ITPR2: variants seen among roughly 807,000 people sequenced by gnomAD.
ITPR2 encodes inositol 1,4,5-trisphosphate-gated calcium channel ITPR2.
A neutral mutation model predicts 317.1 loss-of-function variants in ITPR2; 207 were observed. That is an observed-to-expected ratio of 0.65 (90% CI 0.58 to 0.73). ITPR2 has a LOEUF of 0.73. ITPR2 is among the 30% of genes least tolerant of loss of function. ITPR2 has a pLI of 0.00. For missense variants in ITPR2, 2,613 were observed against 3,284.0 expected, an observed-to-expected ratio of 0.80 and a Z score of 4.99; for synonymous variants, 1,156 against 1,149.1, an observed-to-expected ratio of 1.01 and a Z score of -0.12.
chr12:26,784,314 CCT>C (rs1950158151), intron 2 of ITPR2, among the ~76,000 whole-genome samples: 1 of 25,940 alleles, frequency 3.9e-5, no homozygotes, highest in African/African-American at 1.1e-4. Flanking sequence ...TCTCCCTCTC[CCT>C]CTGCCTCTCC....
Position 26,599,621 on chromosome 12 carries a change from G to A in ITPR2, c.3802-276C>T, listed in dbSNP as rs116779259. On this transcript the variant is annotated intron_variant, in intron 29 of 56. Coordinates refer to ENST00000381340, the MANE Select transcript of ITPR2 (RefSeq NM_002223.4). ...GAGACTAATTATGAATTCAAAATTA[G>A]GTCTTCCATAAAATCTGCTCAAACA... is the stretch of plus-strand genomic sequence containing the variant. Among the ~76,000 whole-genome samples, 236 of 152,168 alleles carry A rather than the reference G, an allele frequency of 1.6e-3. 2 individuals are homozygous for A. Among genetic ancestry groups the A allele is most frequent in the African/African-American group, 5.4e-3 (225 of 41,502 alleles).
intron 2 of ITPR2, among the ~76,000 whole-genome samples, chr12:26,784,551 C>T (rs1950174662): frequency 6.6e-6 from 1 of 151,664 alleles, no homozygotes; most frequent in African/African-American, 2.4e-5. Context: ...GCTGTGTTGG[C>T]CGGGCTGGTC....
intron 34 of ITPR2, among the ~76,000 whole-genome samples, chr12:26,574,559 T>C (rs191940749): frequency 3.3e-5 from 5 of 152,332 alleles, no homozygotes; most frequent in African/African-American, 4.8e-5. Flanking sequence ...GAGACAAGAA[T>C]AGTACTTGTG....
chr12:26,702,408 T>TG (rs1403919585), intron 9 of ITPR2, among the ~76,000 whole-genome samples: 4 of 30,196 alleles, frequency 1.3e-4, no homozygotes, highest in Non-Finnish European at 2.0e-4. Context: ...GGGGCGGGGG[T>TG]GGGGGGTTGG....
intron 20 of ITPR2, 93 bp from the exon 21 acceptor site, chr12:26,654,219 A>C: frequency 1.0e-6 from 1 of 981,208 alleles, no homozygotes; most frequent in Non-Finnish European, 1.5e-6. Context: ...TTATTATCTA[A>C]ATTAGCACAG....
chr12:26,620,933 G>C (rs1377127169), intron 26 of ITPR2, among the ~76,000 whole-genome samples, 190 bp downstream of exon 26: 1 of 152,194 alleles, frequency 6.6e-6, no homozygotes, highest in Non-Finnish European at 1.5e-5. Flanking sequence ...AGAAGTGGTA[G>C]AAATTGATAA....
At chr12:26,695,700 T>C in intron 9 of ITPR2, 50 bp from the exon 10 acceptor site, 1 of 1,181,554 alleles carries the variant, frequency 8.5e-7, no homozygotes, top group Middle Eastern at 1.9e-4. Flanking sequence ...AAAAGCACAC[T>C]AACAAGACCA....
intron 49 of ITPR2, among the ~76,000 whole-genome samples, chr12:26,422,182 T>G (rs1940918658): frequency 6.7e-6 from 1 of 150,118 alleles, no homozygotes; most frequent in Admixed American, 6.7e-5. Flanking sequence ...TAGTTAATAA[T>G]TTAGTAAATA....
At chr12:26,747,943 C>T (rs1949351748) in intron 2 of ITPR2, among the ~76,000 whole-genome samples, 1 of 152,202 alleles carries the variant, frequency 6.6e-6, no homozygotes, top group South Asian at 2.1e-4. Context: ...CTTCTGTGTG[C>T]TACTCCAGTG....
intron 2 of ITPR2, among the ~76,000 whole-genome samples, chr12:26,726,740 C>T (rs994230594): frequency 1.3e-5 from 2 of 152,150 alleles, no homozygotes; most frequent in African/African-American, 4.8e-5. Flanking sequence ...ATATAATATG[C>T]TTGTTCCACT....
intron 37 of ITPR2, among the ~76,000 whole-genome samples, chr12:26,531,238 G>A (rs888368363): frequency 2.6e-5 from 4 of 152,128 alleles, no homozygotes; most frequent in African/African-American, 4.8e-5. Context: ...GTACAAACAC[G>A]CATAACACAC....
intron 54 of ITPR2, among the ~76,000 whole-genome samples, chr12:26,396,576 TG>T (rs1470304381): frequency 6.6e-6 from 1 of 152,180 alleles, no homozygotes; most frequent in Non-Finnish European, 1.5e-5. Context: ...TCTTCAAAGC[TG>T]GGGCTTTCCA....
chr12:26,758,650 C>T (rs1357450784), intron 2 of ITPR2, among the ~76,000 whole-genome samples: 33 of 152,196 alleles, frequency 2.2e-4, no homozygotes. Context: ...TAGGACAGGG[C>T]ATCTGACCCA....
chr12:26,481,259 T>G lies in ITPR2; in HGVS notation c.6013-18A>C, dbSNP rs763468005. On this transcript the variant is annotated intron_variant, in intron 42 of 56. Coordinates refer to ENST00000381340, the MANE Select transcript of ITPR2 (RefSeq NM_002223.4). ...ATACAGGTCTAGAAAACAAAATATT[T>G]GTAAAATATCATTTTATTCACAACA... 1 of 1,370,322 alleles carries G rather than the reference T, an allele frequency of 7.3e-7. No individual in the cohort carries two copies. The highest frequency in any genetic ancestry group is 1.2e-5 in the South Asian group (1 of 85,260). The allele number at this position is 1,370,322 out of a possible 1,614,324, so 84.9% of individuals were successfully genotyped here. A position where few individuals can be genotyped will look rare whatever the true frequency, so the allele number is the denominator to read the frequency against.
At chr12:26,668,840 G>T (rs1947685973) in intron 13 of ITPR2, among the ~76,000 whole-genome samples, 1 of 152,104 alleles carries the variant, frequency 6.6e-6, no homozygotes, top group South Asian at 2.1e-4. Flanking sequence ...AAAATTATAG[G>T]CTGAGCACAG....
In ITPR2 at chr12:26,487,107, C is replaced by A; in HGVS notation, c.5515G>T (p.Asp1839Tyr). The change falls in exon 40 of 57, where the codon GAT becomes TAT. Residue 1839 changes from aspartate to tyrosine, a missense_variant. Asp to Tyr is a radical substitution (Grantham distance 160, BLOSUM62 -3). Around this residue, in one of 9 missense-constraint regions of ITPR2, gnomAD observed 926 missense variants for 1,072.8 expected, o/e 0.86. Coordinates refer to ENST00000381340, the MANE Select transcript of ITPR2 (RefSeq NM_002223.4). The part of the protein sequence containing the change: ...TIDLGNKKRD[D>Y]DNELMTSGPR... ...CCAGATGTCATCAATTCATTGTCAT[C>A]GTCCCTTTTTTTGTTACCTAAATCT... 6.2e-7 allele frequency: 1 copy of A among 1,612,136 alleles called. No homozygotes were observed. Among genetic ancestry groups the A allele is most frequent in the South Asian group, 1.1e-5 (1 of 90,754 alleles).
intron 1 of ITPR2, among the ~76,000 whole-genome samples, chr12:26,808,850 GA>G (rs1950682089): frequency 6.6e-6 from 1 of 152,132 alleles, no homozygotes; most frequent in Admixed American, 6.5e-5. Context: ...TGTTCAAAGA[GA>G]ACACACTCTA....
chr12:26,580,761 C>A (rs1945386106), intron 32 of ITPR2, among the ~76,000 whole-genome samples: 1 of 152,156 alleles, frequency 6.6e-6, no homozygotes, highest in African/African-American at 2.4e-5. Flanking sequence ...GCCAAAGAGA[C>A]AATGCTGAAG....
chr12:26,530,404 T>C (rs1444491393), intron 37 of ITPR2, among the ~76,000 whole-genome samples: 3 of 152,250 alleles, frequency 2.0e-5, no homozygotes, highest in Non-Finnish European at 4.4e-5. Flanking sequence ...ATTGTTTGTG[T>C]TGCCAACAGT....
Sources: gnomAD v4.1 joint callset for allele counts (sites outside exome capture counted in the v4.1 genomes callset) on GRCh38, gnomAD v4.1.1 for gene constraint, gnomAD v4.1.1 regional missense constraint, MANE v1.5 for transcripts, NCBI Gene and HGNC (gene_info 2026-07-23, HGNC 2026-07-21) for gene names.